Variants in PRKCA observed in about 807,000 individuals in gnomAD.
PRKCA encodes protein kinase C alpha, also known as protein kinase C alpha type.
A neutral mutation model predicts 87.0 loss-of-function variants in PRKCA; 27 were observed. That is an observed-to-expected ratio of 0.31 (90% CI 0.23 to 0.43). The LOEUF (loss-of-function observed/expected upper bound fraction) is 0.43, where lower values mean the gene tolerates loss of function less well. Ranked by LOEUF, PRKCA falls within the 20% of genes least tolerant of loss-of-function variation. The probability of loss-of-function intolerance (pLI) is 1.00; values close to 1 mark genes in which losing one functional copy is unlikely to be tolerated. For missense variants in PRKCA, 518 were observed against 852.3 expected (o/e 0.61, Z 4.88); for synonymous variants, 329 against 311.1 (o/e 1.06, Z -0.61).
intron 2 of PRKCA, among the ~76,000 whole-genome samples, chr17:66,417,714 T>C (rs1426435451): frequency 3.9e-5 from 6 of 152,130 alleles, no homozygotes; most frequent in African/African-American, 1.4e-4. Context: ...GGTCTTTTGT[T>C]TGGCTGCCTC....
intron 2 of PRKCA, among the ~76,000 whole-genome samples, chr17:66,336,218 A>G (rs1906653114): frequency 6.6e-6 from 1 of 152,238 alleles, no homozygotes; most frequent in Admixed American, 6.5e-5. Context: ...TGTGTGGGAC[A>G]TAATATCAAA....
At chr17:66,656,206 C>T (rs1468121800) in intron 5 of PRKCA, among the ~76,000 whole-genome samples, 1 of 152,190 alleles carries the variant, frequency 6.6e-6, no homozygotes, top group Admixed American at 6.5e-5. Context: ...TATCCATGCT[C>T]ATGGTGACAT....
chr17:66,371,865 C>T (rs898256967), intron 2 of PRKCA, among the ~76,000 whole-genome samples: 7 of 152,148 alleles, frequency 4.6e-5, no homozygotes, highest in South Asian at 2.1e-4. Context: ...GCAAGTCTTC[C>T]GAAACTCCCT....
intron 14 of PRKCA, among the ~76,000 whole-genome samples, chr17:66,779,513 A>G (rs950833593): frequency 1.6e-4 from 24 of 152,034 alleles, no homozygotes; most frequent in African/African-American, 5.8e-4. Flanking sequence ...AGTAATCGCC[A>G]CTTCATCTTA....
chr17:66,534,281 T>G (rs1286862077), intron 3 of PRKCA, among the ~76,000 whole-genome samples: 1 of 152,184 alleles, frequency 6.6e-6, no homozygotes, highest in African/African-American at 2.4e-5. Flanking sequence ...CATTGTCTTC[T>G]GTGTATTCTG....
intron 15 of PRKCA, among the ~76,000 whole-genome samples, chr17:66,788,220 T>C (rs1975447462): frequency 6.6e-6 from 1 of 152,146 alleles, no homozygotes; most frequent in African/African-American, 2.4e-5. Context: ...TCACGTGTCA[T>C]CCAAGAGCAA....
At chr17:66,765,438 A>G (rs1204016602) in intron 13 of PRKCA, among the ~76,000 whole-genome samples, 2 of 135,874 alleles carry the variant, frequency 1.5e-5, no homozygotes, top group African/African-American at 5.5e-5. Flanking sequence ...ATATATATAT[A>G]TATATATATA....
rs893877550 is a variant in PRKCA, at chr17:66,428,470, A to T, written c.206-67731A>T. On this transcript the variant is annotated intron_variant, in intron 2 of 16. Transcript: ENST00000413366. Reference sequence around the variant, plus strand: ...AGACATTTCAAGAAAGTTGAAAAAGATAGTCCAGAAAAGTTAAGCTGAAAA... The same window carrying T: ...AGACATTTCAAGAAAGTTGAAAAAGTTAGTCCAGAAAAGTTAAGCTGAAAA... Among the ~76,000 whole-genome samples the T allele has an allele frequency of 2.6e-5, 4 of 151,984 alleles. No homozygotes were observed. In the East Asian group the frequency reaches 5.8e-4, roughly 22 times the overall value.
At chr17:66,731,349 CA>C (rs1229752041) in intron 8 of PRKCA, among the ~76,000 whole-genome samples, 4,709 of 64,604 alleles carry the variant, frequency 0.073, 294 homozygotes, top group African/African-American at 0.29. Context: ...AACTCCGTCT[CA>C]GAAAAAAAAA....
At chr17:66,328,970 C>G (rs904136219) in intron 2 of PRKCA, among the ~76,000 whole-genome samples, 2 of 152,186 alleles carry the variant, frequency 1.3e-5, no homozygotes, top group African/African-American at 4.8e-5. Flanking sequence ...GGCAGTCTTT[C>G]AAAGGGCTTT....
At chr17:66,753,746 G>A (rs1206681686) in intron 13 of PRKCA, among the ~76,000 whole-genome samples, 8 of 152,056 alleles carry the variant, frequency 5.3e-5, no homozygotes, top group Non-Finnish European at 1.2e-4. Context: ...GTGTTCTTAC[G>A]GGGAGGGGAA....
At chr17:66,545,296 G>T (rs954167513) in intron 3 of PRKCA, among the ~76,000 whole-genome samples, 2 of 152,156 alleles carry the variant, frequency 1.3e-5, no homozygotes, top group African/African-American at 2.4e-5. Context: ...AGGCGTGGTG[G>T]CGGGTGCCTG....
At chr17:66,627,866 A>C (rs575973808) in intron 3 of PRKCA, among the ~76,000 whole-genome samples, 21 of 152,328 alleles carry the variant, frequency 1.4e-4, no homozygotes, top group African/African-American at 4.3e-4. Context: ...AAAAGGAATG[A>C]AGGGGTATCA....
chr17:66,637,022 G>A (rs1971166541), intron 3 of PRKCA, among the ~76,000 whole-genome samples: 1 of 152,186 alleles, frequency 6.6e-6, no homozygotes, highest in African/African-American at 2.4e-5. Flanking sequence ...ATTTTGGGGT[G>A]TGACAACTCC....
chr17:66,791,526 T>A (rs754135996), intron 16 of PRKCA, among the ~76,000 whole-genome samples: 7 of 152,222 alleles, frequency 4.6e-5, no homozygotes, highest in Middle Eastern at 3.4e-3. Flanking sequence ...GGCAGAGAGA[T>A]AAATGGGGCA....
intron 13 of PRKCA, among the ~76,000 whole-genome samples, chr17:66,758,814 G>T (rs992303865): frequency 6.6e-6 from 1 of 152,088 alleles, no homozygotes; most frequent in Non-Finnish European, 1.5e-5. Flanking sequence ...GCAGAGTTAA[G>T]TTTATGATTA....
intron 6 of PRKCA, 94 bp downstream of exon 6, chr17:66,687,361 G>A (rs1359086683): frequency 7.9e-6 from 11 of 1,387,518 alleles, no homozygotes; most frequent in Admixed American, 4.3e-5. Flanking sequence ...CATTATAAAC[G>A]TCTTTAAACA....
At chr17:66,661,068 C>A (rs1971887083) in intron 5 of PRKCA, among the ~76,000 whole-genome samples, 1 of 152,280 alleles carries the variant, frequency 6.6e-6, no homozygotes, top group African/African-American at 2.4e-5. Context: ...TTCTGTATCT[C>A]ACCTCTTCTT....
chr17:66,721,395 CAAA>C (rs55795871), intron 8 of PRKCA, among the ~76,000 whole-genome samples: 15 of 98,228 alleles, frequency 1.5e-4, no homozygotes, highest in Admixed American at 3.3e-4. Flanking sequence ...GATTCCGTCT[CAAA>C]AAAAAAAAAA....
Sources: gnomAD v4.1 joint callset for allele counts (sites outside exome capture counted in the v4.1 genomes callset) on GRCh38, gnomAD v4.1.1 for gene constraint, MANE v1.5 for transcripts, NCBI Gene and HGNC (gene_info 2026-07-23, HGNC 2026-07-21) for gene names.